Variants in SYCP2L observed in about 807,000 individuals in gnomAD.
SYCP2L encodes the protein synaptonemal complex protein 2-like.
In SYCP2L, 98 loss-of-function variants were observed where a neutral mutation model predicts 125.8. That is an observed-to-expected ratio of 0.78 (90% CI 0.66 to 0.92). The LOEUF is 0.92. Among genes scored for constraint, SYCP2L ranks in the 40% least tolerant of loss-of-function variants. The probability of loss-of-function intolerance (pLI) is 0.00; values close to 1 mark genes in which losing one functional copy is unlikely to be tolerated. For synonymous variants in SYCP2L, 317 were observed against 325.4 expected (o/e 0.97, Z 0.28); for missense variants, 842 against 936.4 (o/e 0.90, Z 1.32).
chr6:10,949,899 G>C (rs893530982), intron 23 of SYCP2L, among the ~76,000 whole-genome samples: 1 of 151,670 alleles, frequency 6.6e-6, no homozygotes, highest in Non-Finnish European at 1.5e-5. Context: ...GAGTTTTCTC[G>C]TCTTTGTCCC....
At chr6:10,924,064 C>T (rs1780856296) in intron 14 of SYCP2L, among the ~76,000 whole-genome samples, 1 of 152,166 alleles carries the variant, frequency 6.6e-6, no homozygotes, top group African/African-American at 2.4e-5. Context: ...CCATTTTGCA[C>T]ATTGGGGACA....
intron 14 of SYCP2L, among the ~76,000 whole-genome samples, chr6:10,918,682 A>G (rs1390794288): frequency 6.6e-6 from 1 of 151,908 alleles, no homozygotes; most frequent in Non-Finnish European, 1.5e-5. Context: ...GATTACAGGC[A>G]CGTGCCACCA....
At chr6:10,966,127 T>TAAC (rs1561703772) in intron 29 of SYCP2L, among the ~76,000 whole-genome samples, 2 of 150,010 alleles carry the variant, frequency 1.3e-5, no homozygotes, top group Admixed American at 6.6e-5. Flanking sequence ...ATAATAATAA[T>TAAC]AACAACAACA....
At position 10,912,005 on chromosome 6, in the gene SYCP2L, C is replaced by T. The variant is rs1780617704; in HGVS notation, c.919-668C>T. On this transcript the variant is annotated intron_variant, in intron 12 of 29. Coordinates refer to ENST00000283141, the MANE Select transcript of SYCP2L (RefSeq NM_001040274.3). The surrounding 1 kb of genome is among the most constrained non-coding windows in gnomAD (Gnocchi z 4.1). ...CCAACTCCGCCTCCCGGGTTCATGCCATTCTCCTGCCTCAGCCTCCCGAGT... is the reference window on the plus strand; with the variant it reads ...CCAACTCCGCCTCCCGGGTTCATGCTATTCTCCTGCCTCAGCCTCCCGAGT... 6.9e-6 allele frequency among the ~76,000 whole-genome samples: 1 copy of T among 145,536 alleles called. No homozygotes were observed. The highest frequency in any genetic ancestry group is 1.5e-5 in the Non-Finnish European group (1 of 66,926).
intron 20 of SYCP2L, among the ~76,000 whole-genome samples, chr6:10,934,830 C>T (rs937561334): frequency 9.2e-5 from 14 of 151,978 alleles, no homozygotes; most frequent in Middle Eastern, 3.2e-3. Flanking sequence ...TTCTGTATCT[C>T]GAGAAAGAGT....
Position 10,926,383 on chromosome 6 carries a change from G to A in SYCP2L, c.1263G>A (p.Lys421=). ...QTKISSELFS[K]SDKEDRESPS... Reference sequence around the variant, plus strand: ...AAATCTCCTCAGAACTTTTTAGTAAGTCTGATAAAGAAGACAGGGAGAGTC... The same window carrying A: ...AAATCTCCTCAGAACTTTTTAGTAAATCTGATAAAGAAGACAGGGAGAGTC... The change falls in exon 16 of 30, where the codon AAG becomes AAA. Residue 421 remains lysine, a synonymous_variant. Transcript: ENST00000283141. The A allele has an allele frequency of 1.9e-6, 3 of 1,613,738 alleles. No individual in the cohort carries two copies. The highest frequency in any genetic ancestry group is 2.5e-6 in the Non-Finnish European group (3 of 1,179,832).
chr6:10,908,634 A>G (rs1382090198), intron 10 of SYCP2L, among the ~76,000 whole-genome samples: 1 of 152,172 alleles, frequency 6.6e-6, no homozygotes, highest in Non-Finnish European at 1.5e-5. Context: ...AACAGTACTC[A>G]TGTTGACAAA....
intron 1 of SYCP2L, 54 bp downstream of exon 1, chr6:10,887,189 A>G (rs1780087539): frequency 1.2e-6 from 2 of 1,610,380 alleles, no homozygotes; most frequent in Admixed American, 1.7e-5. Context: ...AGGGCGCGCG[A>G]GGGCGCGGGG....
rs375429704 is a variant in SYCP2L at position 10,910,518 on chromosome 6, G to T, written c.873-306G>T. Reference sequence around the variant, plus strand: ...TCCTGACTTGAGGTTGCTGGAGGTAGTTGTATCGTGAACAGTTAAGTCCTT... The same window carrying T: ...TCCTGACTTGAGGTTGCTGGAGGTATTTGTATCGTGAACAGTTAAGTCCTT... On this transcript the variant is annotated intron_variant, in intron 11 of 29. Coordinates refer to ENST00000283141, the MANE Select transcript of SYCP2L (RefSeq NM_001040274.3). Among the ~76,000 whole-genome samples the T allele has an allele frequency of 5.9e-5, 9 of 152,350 alleles. No homozygotes were observed. In the East Asian group the frequency reaches 1.5e-3, roughly 26 times the overall value.
rs765706800 is a variant in SYCP2L at position 10,912,778 on chromosome 6, G to A, written c.1011+13G>A. The stretch of plus-strand genomic sequence containing the variant: ...AGACAATGCTGAGGTAATGATGTTC[G>A]ATTCTTGGTTAGAACTAAGCCTTTA... On this transcript the variant is annotated intron_variant, in intron 13 of 29. Coordinates refer to ENST00000283141, the MANE Select transcript of SYCP2L (RefSeq NM_001040274.3). The surrounding 1 kb of genome is among the most constrained non-coding windows in gnomAD (Gnocchi z 4.1). 25 of 1,611,094 alleles carry A rather than the reference G, an allele frequency of 1.6e-5. No homozygotes were observed. The highest frequency in any genetic ancestry group is 9.4e-5 in the African/African-American group (7 of 74,842).
At chr6:10,951,612 G>A (rs1210521693) in intron 23 of SYCP2L, among the ~76,000 whole-genome samples, 1 of 152,178 alleles carries the variant, frequency 6.6e-6, no homozygotes, top group Non-Finnish European at 1.5e-5. Context: ...AGTAAAGATA[G>A]TCTTTAAATT....
intron 6 of SYCP2L, among the ~76,000 whole-genome samples, chr6:10,901,081 T>C (rs955871863): frequency 2.0e-5 from 3 of 152,260 alleles, no homozygotes; most frequent in Admixed American, 1.3e-4. Context: ...ATGATTCTTT[T>C]GTTTGTGTTC....
chr6:10,903,503 G>A (rs543979997), intron 8 of SYCP2L, among the ~76,000 whole-genome samples: 45 of 152,264 alleles, frequency 3.0e-4, no homozygotes, highest in African/African-American at 8.9e-4. Context: ...AGCCGAGATC[G>A]CGCCACTGTG....
At chr6:10,887,747 C>T (rs147200121) in intron 1 of SYCP2L, among the ~76,000 whole-genome samples, 180 of 152,164 alleles carry the variant, frequency 1.2e-3, no homozygotes, top group African/African-American at 4.0e-3. Flanking sequence ...TTAGTGAGGA[C>T]GCCAGGTGAT....
intron 14 of SYCP2L, among the ~76,000 whole-genome samples, chr6:10,916,343 T>C (rs114735837): frequency 0.011 from 1,617 of 152,338 alleles, 30 homozygotes; most frequent in African/African-American, 0.036. Context: ...GTTGGTTATT[T>C]CTTTTCTTCT....
Position 10,902,757 on chromosome 6 carries a change from C to A in SYCP2L, c.547C>A (p.Gln183Lys). Reference protein sequence around the residue: ...TEKTVNHLLQQEGLKTFNCIL... With the variant: ...TEKTVNHLLQKEGLKTFNCIL... ...AAAGACTGTAAATCATTTGCTTCAA[C>A]AGGAGGTGAGTTGCAAGTAACAAAA... Residue 183 changes from glutamine (Q) to lysine (K), a missense_variant, in exon 7 of 30, where the codon CAG (glutamine) becomes AAG (lysine). Gln to Lys is a moderately conservative substitution (Grantham distance 53). Transcript: ENST00000283141. The A allele has an allele frequency of 6.2e-7, 1 of 1,614,036 alleles. No individual in the cohort carries two copies. The highest frequency in any genetic ancestry group is 8.5e-7 in the Non-Finnish European group (1 of 1,179,958).
chr6:10,903,164 G>A (rs1053435343), intron 8 of SYCP2L, among the ~76,000 whole-genome samples: 8 of 152,198 alleles, frequency 5.3e-5, no homozygotes, highest in Non-Finnish European at 1.2e-4. Context: ...CCCAGGCGCC[G>A]TAGATCACGC....
Position 10,887,099 on chromosome 6 carries a change from G to A in SYCP2L, c.-28G>A, listed in dbSNP as rs1561676379. On this transcript the variant is annotated 5_prime_UTR_variant, in exon 1 of 30. Transcript: ENST00000283141. ...CGAGCGCAACAAAGCTGAGCGGCGC[G>A]TCGCTTCAGGAACGAAGAAGCCTCG... 6.2e-7 allele frequency: 1 copy of A among 1,614,062 alleles called. No homozygotes were observed. Among genetic ancestry groups the A allele is most frequent in the Non-Finnish European group, 8.5e-7 (1 of 1,179,956 alleles).
At chr6:10,953,548 A>G (rs574102583) in intron 23 of SYCP2L, among the ~76,000 whole-genome samples, 1 of 152,000 alleles carries the variant, frequency 6.6e-6, no homozygotes, top group Non-Finnish European at 1.5e-5. Flanking sequence ...ACTGAAATAA[A>G]CTCTTATCTG....
Sources: gnomAD v4.1 joint callset for allele counts (sites outside exome capture counted in the v4.1 genomes callset) on GRCh38, gnomAD v4.1.1 for gene constraint, Gnocchi (gnomAD v3.1) non-coding constraint, MANE v1.5 for transcripts, NCBI Gene and HGNC (gene_info 2026-07-23, HGNC 2026-07-21) for gene names.